MTHFD2L: variants seen among roughly 807,000 people sequenced by gnomAD.
MTHFD2L encodes bifunctional methylenetetrahydrofolate dehydrogenase/cyclohydrolase 2, mitochondrial.
A neutral mutation model predicts 34.9 loss-of-function variants in MTHFD2L; 29 were observed. The observed-to-expected ratio is 0.83, with a 90% CI of 0.62 to 1.13. The LOEUF (loss-of-function observed/expected upper bound fraction) is 1.13. MTHFD2L is among the 50% of genes most tolerant of loss of function. MTHFD2L has a pLI of 0.00. For missense variants in MTHFD2L, 481 were observed against 446.5 expected (o/e 1.08, Z -0.70); for synonymous variants, 167 against 155.7 (o/e 1.07, Z -0.54).
At chr4:74,164,079 G>T (rs1296487846) in intron 1 of MTHFD2L, among the ~76,000 whole-genome samples, 1 of 152,106 alleles carries the variant, frequency 6.6e-6, no homozygotes, top group African/African-American at 2.4e-5. Flanking sequence ...GTTTCACCGT[G>T]TTAGCCAGGA....
At chr4:74,267,858 A>G (rs1745507846) in intron 6 of MTHFD2L, 2 of 985,260 alleles carry the variant, frequency 2.0e-6, no homozygotes. Context: ...ATTTCTGAAT[A>G]TAAGAGGATT....
At chr4:74,260,881 G>A (rs1427311404) in intron 6 of MTHFD2L, among the ~76,000 whole-genome samples, 1 of 150,704 alleles carries the variant, frequency 6.6e-6, no homozygotes, top group Non-Finnish European at 1.5e-5. Flanking sequence ...GAAAAAAGCA[G>A]TTATTAAAAG....
chr4:74,228,949 A>G (rs762536302), intron 6 of MTHFD2L, among the ~76,000 whole-genome samples: 1 of 152,202 alleles, frequency 6.6e-6, no homozygotes, highest in African/African-American at 2.4e-5. Context: ...GCCATACACC[A>G]TGCTAATACT....
chr4:74,292,777 G>A (rs1466127325), intron 7 of MTHFD2L, among the ~76,000 whole-genome samples: 1 of 152,154 alleles, frequency 6.6e-6, no homozygotes, highest in East Asian at 1.9e-4. Context: ...TGGTCAGAAA[G>A]AAGGTTTCAC....
intron 6 of MTHFD2L, among the ~76,000 whole-genome samples, chr4:74,239,586 C>G (rs1741397632): frequency 1.3e-5 from 2 of 151,766 alleles, no homozygotes; most frequent in East Asian, 3.9e-4. Flanking sequence ...TTAAAAATGA[C>G]TTACCTTTGT....
intron 1 of MTHFD2L, among the ~76,000 whole-genome samples, chr4:74,174,058 G>C (rs867167063): frequency 1.3e-5 from 2 of 152,040 alleles, no homozygotes; most frequent in Admixed American, 6.6e-5. Context: ...GTCTGGTGTG[G>C]GCCTGCTTTT....
chr4:74,209,576 T>C (rs1735952851), intron 5 of MTHFD2L, among the ~76,000 whole-genome samples: 1 of 152,246 alleles, frequency 6.6e-6, no homozygotes, highest in Admixed American at 6.5e-5. Flanking sequence ...TGCTACATTT[T>C]CTTAATCCAG....
At chr4:74,180,592 CATCT>C (rs1421700810) in intron 3 of MTHFD2L, 6 of 328,926 alleles carry the variant, frequency 1.8e-5, no homozygotes, top group Non-Finnish European at 3.4e-5. Flanking sequence ...AGTTTCCATG[CATCT>C]CATTTGAGCA....
intron 1 of MTHFD2L, among the ~76,000 whole-genome samples, chr4:74,174,014 G>C: frequency 6.6e-6 from 1 of 152,092 alleles, no homozygotes; most frequent in Non-Finnish European, 1.5e-5. Context: ...TTGTAGACTG[G>C]GAAGTCCAAG....
chr4:74,290,190 A>G (rs1415288856), intron 7 of MTHFD2L, among the ~76,000 whole-genome samples: 1 of 152,192 alleles, frequency 6.6e-6, no homozygotes, highest in Non-Finnish European at 1.5e-5. Flanking sequence ...ACCATTCCTC[A>G]AAATTCCAAC....
At chr4:74,285,973 A>G (rs1050579459) in intron 7 of MTHFD2L, among the ~76,000 whole-genome samples, 33 of 152,160 alleles carry the variant, frequency 2.2e-4, no homozygotes, top group African/African-American at 8.0e-4. Context: ...CACCTTGCCA[A>G]CCATTATGTT....
At chr4:74,217,476 T>C (rs1295753254) in intron 5 of MTHFD2L, among the ~76,000 whole-genome samples, 1 of 151,900 alleles carries the variant, frequency 6.6e-6, no homozygotes, top group East Asian at 1.9e-4. Flanking sequence ...TGTGCATGAT[T>C]ACTGAGTTTT....
intron 1 of MTHFD2L, among the ~76,000 whole-genome samples, chr4:74,150,330 T>A (rs1723853369): frequency 6.6e-6 from 1 of 152,358 alleles, no homozygotes; most frequent in African/African-American, 2.4e-5. Flanking sequence ...CTCAGCTCAC[T>A]GCAACTTCCA....
chr4:74,202,739 C>A (rs1245643587), intron 5 of MTHFD2L, among the ~76,000 whole-genome samples: 1 of 152,110 alleles, frequency 6.6e-6, no homozygotes, highest in Non-Finnish European at 1.5e-5. Flanking sequence ...TAATCTTTCT[C>A]CCCCTAATTT....
chr4:74,205,923 A>G (rs989848502), intron 5 of MTHFD2L, among the ~76,000 whole-genome samples: 2 of 152,080 alleles, frequency 1.3e-5, no homozygotes, highest in Non-Finnish European at 2.9e-5. Flanking sequence ...CCCTAAATAA[A>G]CATTCTATAT....
At chr4:74,124,980 C>A (rs1290095174), upstream of MTHFD2L, among the ~76,000 whole-genome samples, 4 of 151,916 alleles carry the variant, frequency 2.6e-5, no homozygotes, top group Non-Finnish European at 4.4e-5. Context: ...TAACATGGTA[C>A]TGACATCTGG....
At chr4:74,234,610 A>C (rs887469894) in intron 6 of MTHFD2L, among the ~76,000 whole-genome samples, 5 of 152,080 alleles carry the variant, frequency 3.3e-5, no homozygotes, top group Non-Finnish European at 7.4e-5. Flanking sequence ...CCACTGGTAC[A>C]TATTAAGCCA....
intron 1 of MTHFD2L, among the ~76,000 whole-genome samples, chr4:74,173,252 T>A (rs1332982467): frequency 3.3e-5 from 5 of 152,182 alleles, no homozygotes; most frequent in African/African-American, 1.2e-4. Context: ...ACTTTCAAGT[T>A]TGAGGTCATG....
At chr4:74,187,959 C>T (rs116327884) in intron 3 of MTHFD2L, among the ~76,000 whole-genome samples, 295 of 152,104 alleles carry the variant, frequency 1.9e-3, no homozygotes, top group African/African-American at 6.6e-3. Context: ...TAGAAACAAC[C>T]CAAATGTTCA....
Sources: allele counts gnomAD v4.1 joint callset (sites outside exome capture counted in the v4.1 genomes callset), GRCh38; gene constraint gnomAD v4.1.1; transcripts MANE v1.5; gene names NCBI Gene and HGNC (gene_info 2026-07-23, HGNC 2026-07-21).